The following TRAPPC9 variants were observed in gnomAD, a reference collection of about 807,000 sequenced individuals.
The protein encoded by TRAPPC9 is IKK2 binding protein.
In TRAPPC9, 83 loss-of-function variants were observed where a neutral mutation model predicts 124.0. The ratio of observed to expected loss-of-function variants is 0.67; its 90% CI spans 0.56 to 0.80. The LOEUF (loss-of-function observed/expected upper bound fraction) is 0.80. TRAPPC9 is among the 30% of genes least tolerant of loss of function. The pLI, the probability that TRAPPC9 is intolerant of heterozygous loss-of-function variation, is 0.00. For missense variants in TRAPPC9, 1,302 were observed against 1,508.3 expected (o/e 0.86, Z 2.27); for synonymous variants, 638 against 617.5 (o/e 1.03, Z -0.49).
intron 21 of TRAPPC9, among the ~76,000 whole-genome samples, chr8:139,796,284 T>C (rs1341064506): frequency 6.6e-6 from 1 of 152,148 alleles, no homozygotes; most frequent in Non-Finnish European, 1.5e-5. Context: ...CTCTGCCCTA[T>C]CTGAGGGCCT....
intron 9 of TRAPPC9, among the ~76,000 whole-genome samples, chr8:140,351,639 T>C (rs545296285): frequency 6.6e-6 from 1 of 152,220 alleles, no homozygotes; most frequent in East Asian, 1.9e-4. Flanking sequence ...ACAAACTATA[T>C]GGGAGGATGT....
At chr8:140,424,878 A>G (rs1349841907) in intron 5 of TRAPPC9, among the ~76,000 whole-genome samples, 3 of 152,190 alleles carry the variant, frequency 2.0e-5, no homozygotes, top group African/African-American at 4.8e-5. Context: ...ATTTGGAAAC[A>G]GTTTGCTTCA....
intron 15 of TRAPPC9, among the ~76,000 whole-genome samples, chr8:140,269,088 T>C (rs910031600): frequency 2.0e-5 from 3 of 151,818 alleles, no homozygotes; most frequent in Admixed American, 2.0e-4. Context: ...GATCCATGTA[T>C]TTCTAAACCT....
At chr8:140,109,102 T>G (rs1443093838) in intron 17 of TRAPPC9, among the ~76,000 whole-genome samples, 1 of 152,174 alleles carries the variant, frequency 6.6e-6, no homozygotes, top group Admixed American at 6.5e-5. Flanking sequence ...ATGTTTGGAT[T>G]TTATAAAAAT....
At chr8:139,876,817 C>A (rs2131068402) in intron 21 of TRAPPC9, among the ~76,000 whole-genome samples, 1 of 152,354 alleles carries the variant, frequency 6.6e-6, no homozygotes, top group Middle Eastern at 3.4e-3. Context: ...CCATGTCCAG[C>A]CCCACCTCAC....
At chr8:139,885,526 G>A (rs972332142) in intron 21 of TRAPPC9, among the ~76,000 whole-genome samples, 5 of 152,214 alleles carry the variant, frequency 3.3e-5, no homozygotes, top group African/African-American at 4.8e-5. Context: ...CACACACCCC[G>A]CCAGACACAG....
intron 18 of TRAPPC9, among the ~76,000 whole-genome samples, chr8:139,998,392 G>C (rs1261197220): frequency 1.3e-5 from 2 of 152,178 alleles, no homozygotes; most frequent in South Asian, 2.1e-4. Flanking sequence ...GTAAGTATCT[G>C]GTTAAATGTA....
At chr8:139,783,566 T>A (rs544550493) in intron 21 of TRAPPC9, among the ~76,000 whole-genome samples, 1 of 152,344 alleles carries the variant, frequency 6.6e-6, no homozygotes, top group East Asian at 1.9e-4. Context: ...CAGGTCCCGA[T>A]TATTTTACTA....
intron 17 of TRAPPC9, among the ~76,000 whole-genome samples, chr8:140,053,623 C>T (rs994686936): frequency 1.3e-5 from 2 of 152,156 alleles, no homozygotes; most frequent in Non-Finnish European, 2.9e-5. Flanking sequence ...TCCTCATTTT[C>T]TGTCTGGATG....
intron 17 of TRAPPC9, among the ~76,000 whole-genome samples, chr8:140,074,726 C>T (rs890518017): frequency 6.6e-6 from 1 of 152,126 alleles, no homozygotes; most frequent in Non-Finnish European, 1.5e-5. Flanking sequence ...GGTGGAGTCA[C>T]AATCTGATTG....
chr8:139,741,216 C>T (rs1434227712), intron 21 of TRAPPC9, among the ~76,000 whole-genome samples: 2 of 152,212 alleles, frequency 1.3e-5, no homozygotes, highest in African/African-American at 2.4e-5. Context: ...CTCCCCTGGG[C>T]GTGGCACTCC....
At chr8:140,386,509 C>T (rs1469603495) in intron 7 of TRAPPC9, among the ~76,000 whole-genome samples, 1 of 151,544 alleles carries the variant, frequency 6.6e-6, no homozygotes, top group Non-Finnish European at 1.5e-5. Context: ...ACAAGCATTC[C>T]TATACACCAA....
intron 9 of TRAPPC9, among the ~76,000 whole-genome samples, chr8:140,319,311 G>A (rs529422284): frequency 4.6e-5 from 7 of 151,206 alleles, no homozygotes; most frequent in African/African-American, 1.7e-4. Flanking sequence ...GAGTAGCTGG[G>A]ACTACGGGCA....
chr8:140,359,936 G>A, intron 9 of TRAPPC9, 114 bp downstream of exon 9: 1 of 1,447,040 alleles, frequency 6.9e-7, no homozygotes, highest in Non-Finnish European at 9.7e-7. Context: ...ACGAAGAGCT[G>A]GGCAGCATCT....
Position 140,370,987 on chromosome 8 carries a change from A to C in TRAPPC9, c.1328T>G (p.Leu443Arg). ...LETLPGYSLS[L>R]DPKDFSRGTH... is the part of the protein sequence containing the mutation. ...ACCTCTGCTGAAATCTTTGGGATCC[A>C]GCGACAGACTGTAGCCGGGCAGCGT... Residue 443 changes from leucine (L) to arginine (R), a missense_variant, in exon 8 of 23, where the codon CTG becomes CGG. Leu to Arg is a moderately radical substitution (Grantham distance 102, BLOSUM62 -2). Coordinates refer to ENST00000438773, the MANE Select transcript of TRAPPC9 (RefSeq NM_001160372.4). 6.2e-7 allele frequency: 1 copy of C among 1,614,238 alleles called. No individual in the cohort carries two copies. The highest frequency in any genetic ancestry group is 8.5e-7 in the Non-Finnish European group (1 of 1,180,042).
intron 19 of TRAPPC9, chr8:139,933,766 A>G (rs1293242794): frequency 6.6e-6 from 1 of 152,248 alleles, no homozygotes; most frequent in African/African-American, 2.4e-5. Context: ...TACATATTTG[A>G]GATTAACCAA....
At chr8:140,402,597 G>C (rs1335820086) in intron 6 of TRAPPC9, among the ~76,000 whole-genome samples, 1 of 151,684 alleles carries the variant, frequency 6.6e-6, no homozygotes, top group Non-Finnish European at 1.5e-5. Flanking sequence ...CAGGAAGCCA[G>C]AGGTGGGGGG....
chr8:139,836,507 G>A (rs2130865840), intron 21 of TRAPPC9, among the ~76,000 whole-genome samples: 1 of 152,336 alleles, frequency 6.6e-6, no homozygotes. Context: ...CGGGAGGGAG[G>A]TAGGGCCCAG....
chr8:140,457,083 T>C (rs2071695441), intron 1 of TRAPPC9, among the ~76,000 whole-genome samples: 1 of 152,154 alleles, frequency 6.6e-6, no homozygotes, highest in South Asian at 2.1e-4. Flanking sequence ...GCACTTTGAA[T>C]CCAGGAGACA....
Sources: allele counts gnomAD v4.1 joint callset (sites outside exome capture counted in the v4.1 genomes callset), GRCh38; gene constraint gnomAD v4.1.1; transcripts MANE v1.5; gene names NCBI Gene and HGNC (gene_info 2026-07-23, HGNC 2026-07-21).